The following SLC22A3 variants were observed in gnomAD, a reference collection of about 807,000 sequenced individuals.
SLC22A3 encodes solute carrier family 22 member 3, also known as EMT organic cation transporter 3.
In SLC22A3, 51 loss-of-function variants were observed where a neutral mutation model predicts 59.1. The observed-to-expected ratio is 0.86, with a 90% CI of 0.69 to 1.09. SLC22A3 has a LOEUF of 1.09. Among genes scored for constraint, SLC22A3 ranks in the 50% least tolerant of loss-of-function variants. SLC22A3 has a pLI of 0.00. For synonymous variants in SLC22A3, 325 were observed against 292.0 expected (o/e 1.11, Z -1.15); for missense variants, 711 against 726.3 (o/e 0.98, Z 0.24).
chr6:160,399,991 G>A (rs536358720), intron 2 of SLC22A3, among the ~76,000 whole-genome samples: 1 of 151,044 alleles, frequency 6.6e-6, no homozygotes, highest in East Asian at 2.0e-4. Flanking sequence ...AACATGAACT[G>A]TAATTGATGA....
chr6:160,395,048 A>C (rs1158305162), intron 1 of SLC22A3, among the ~76,000 whole-genome samples: 3 of 152,250 alleles, frequency 2.0e-5, no homozygotes, highest in African/African-American at 7.2e-5. Flanking sequence ...TACAGAAAAC[A>C]CAGAAGGGCA....
intron 5 of SLC22A3, among the ~76,000 whole-genome samples, chr6:160,412,653 C>T (rs576691546): frequency 3.9e-5 from 6 of 152,308 alleles, no homozygotes; most frequent in South Asian, 2.1e-4. Flanking sequence ...CACATTTGAG[C>T]TGTGTGTTCC....
intron 5 of SLC22A3, among the ~76,000 whole-genome samples, chr6:160,414,526 A>G (rs1787391265): frequency 6.6e-6 from 1 of 152,202 alleles, no homozygotes; most frequent in Non-Finnish European, 1.5e-5. Context: ...ACACTGCTAT[A>G]AAGAACTGCC....
rs1787356781 is a variant in SLC22A3 at position 160,413,821 on chromosome 6, T to C, written c.975+2975T>C. ...TGATTCCTTAATATCAAGTCAGTGT[T>C]CCACTTCCCTGATTGTCCTACAATG... On this transcript the variant is annotated intron_variant, in intron 5 of 10. Coordinates refer to ENST00000275300, the MANE Select transcript of SLC22A3 (RefSeq NM_021977.4). Among the ~76,000 whole-genome samples the C allele has an allele frequency of 2.0e-5, 3 of 152,330 alleles. No individual in the cohort carries two copies. The South Asian group carries it at 6.2e-4, about 32-fold the overall frequency.
chr6:160,418,202 G>T (rs934219880), intron 5 of SLC22A3, among the ~76,000 whole-genome samples: 1 of 152,178 alleles, frequency 6.6e-6, no homozygotes, highest in Non-Finnish European at 1.5e-5. Context: ...AGTGTGGCTT[G>T]AACAAAGCAG....
At chr6:160,404,724 G>A (rs1786933787) in intron 2 of SLC22A3, among the ~76,000 whole-genome samples, 1 of 152,024 alleles carries the variant, frequency 6.6e-6, no homozygotes, top group African/African-American at 2.4e-5. Flanking sequence ...ACGACAGTGT[G>A]GTATTTGTGA....
chr6:160,444,354 A>C (rs1350097341), intron 9 of SLC22A3, among the ~76,000 whole-genome samples: 1 of 152,028 alleles, frequency 6.6e-6, no homozygotes, highest in Non-Finnish European at 1.5e-5. Context: ...ACCTATCTCT[A>C]AAATAAATAA....
At chr6:160,358,772 G>GCCT (rs1015608542) in intron 1 of SLC22A3, among the ~76,000 whole-genome samples, 1 of 152,212 alleles carries the variant, frequency 6.6e-6, no homozygotes, top group Admixed American at 6.5e-5. Flanking sequence ...TCCTCCCCTT[G>GCCT]CCTGGTCTAG....
chr6:160,402,479 A>G (rs1235523466), intron 2 of SLC22A3, among the ~76,000 whole-genome samples: 6 of 151,898 alleles, frequency 4.0e-5, no homozygotes, highest in African/African-American at 1.4e-4. Flanking sequence ...GGTCAGATTC[A>G]ACAGGTAAAA....
At chr6:160,398,237 T>G (rs570488078) in intron 2 of SLC22A3, among the ~76,000 whole-genome samples, 155 bp downstream of exon 2, 1 of 152,368 alleles carries the variant, frequency 6.6e-6, no homozygotes, top group East Asian at 1.9e-4. Flanking sequence ...CTTGGTTGGT[T>G]TGACTAATTC....
chr6:160,405,210 A>G (rs535844344), intron 2 of SLC22A3, among the ~76,000 whole-genome samples: 34 of 152,284 alleles, frequency 2.2e-4, no homozygotes, highest in African/African-American at 7.5e-4. Context: ...ACACAACAAT[A>G]AGAAAATAAA....
At chr6:160,438,608 A>T (rs1562501940) in intron 7 of SLC22A3, among the ~76,000 whole-genome samples, 1 of 151,880 alleles carries the variant, frequency 6.6e-6, no homozygotes, top group Non-Finnish European at 1.5e-5. Context: ...ACACACACAC[A>T]CACACACACA....
chr6:160,447,804 AG>A lies in SLC22A3; in HGVS notation c.1597del (p.Glu533LysfsTer39). On this transcript the variant is annotated frameshift_variant, in exon 10 of 11. Transcript: ENST00000275300. LOFTEE classifies it high-confidence loss of function. ...CCTTGCCAGAGACAGTGGATGATGT[AG>A]AAAAACTTGGCAGGTACTGTACAAA... The part of the protein sequence containing the change: ...IALPETVDDV[E>X]KLGSPHSCKC... 6.2e-7 allele frequency: 1 copy of A among 1,614,012 alleles called. No individual in the cohort carries two copies. The highest frequency in any genetic ancestry group is 8.5e-7 in the Non-Finnish European group (1 of 1,179,866).
Position 160,348,659 on chromosome 6 carries a change from C to T in SLC22A3, c.240C>T (p.Gly80=), listed in dbSNP as rs909589627. 5 of 1,507,756 alleles carry T rather than the reference C, an allele frequency of 3.3e-6. No homozygotes were observed. Among genetic ancestry groups the T allele is most frequent in the Non-Finnish European group, 4.4e-6 (5 of 1,136,226 alleles). The allele number at this position is 1,507,756 out of a possible 1,614,324, so 93.4% of individuals were successfully genotyped here. ...EWNRTAPASR[G]PEPPERRGRC... ...ACCGCACGGCGCCCGCCTCCCGCGG[C>T]CCAGAGCCCCCCGAGCGCCGCGGCC... Residue 80 remains glycine, a synonymous_variant, in exon 1 of 11, where the codon GGC becomes GGT. Coordinates refer to ENST00000275300, the MANE Select transcript of SLC22A3 (RefSeq NM_021977.4).
chr6:160,362,842 G>A (rs1785064160), intron 1 of SLC22A3, among the ~76,000 whole-genome samples: 1 of 152,236 alleles, frequency 6.6e-6, no homozygotes, highest in African/African-American at 2.4e-5. Flanking sequence ...TCGAGGTGGT[G>A]CCGGCAGCCG....
In SLC22A3 at chr6:160,368,147, C is replaced by G. The variant is rs1193220750; in HGVS notation, c.429+19299C>G. 4.6e-5 allele frequency among the ~76,000 whole-genome samples: 7 copies of G among 152,264 alleles called. No homozygotes were observed. The East Asian group carries it at 1.4e-3, about 29-fold the overall frequency. On this transcript the variant is annotated intron_variant, in intron 1 of 10. Transcript: ENST00000275300. ...CCAACTTCCAACCTGCCCCTCCCCACTCATACCCTCTCCCCCTACTCTTAG... is the reference window on the plus strand; with the variant it reads ...CCAACTTCCAACCTGCCCCTCCCCAGTCATACCCTCTCCCCCTACTCTTAG...
Position 160,451,124 on chromosome 6 carries a change from C to T in SLC22A3, c.*68C>T, listed in dbSNP as rs1340445505. The T allele has an allele frequency of 7.0e-7, 1 of 1,418,458 alleles. No homozygotes were observed. Among genetic ancestry groups the T allele is most frequent in the African/African-American group, 1.4e-5 (1 of 70,430 alleles). 87.9% of individuals were successfully genotyped at this position (1,418,458 alleles called of 1,614,324 possible). A position where few individuals can be genotyped will look rare whatever the true frequency, so the allele number is the denominator to read the frequency against. ...ATCCTCCTTGCAAAGCTGTGCCTTGCAGAGATGCACGTGTGCATTTCAGCT... is the reference window on the plus strand; with the variant it reads ...ATCCTCCTTGCAAAGCTGTGCCTTGTAGAGATGCACGTGTGCATTTCAGCT... On this transcript the variant is annotated 3_prime_UTR_variant, in exon 11 of 11. Transcript: ENST00000275300.
rs1036050508 is a variant in SLC22A3 at position 160,447,313 on chromosome 6, T to C, written c.1511-406T>C. ...AGACACCAGGACAAGCTTTCCACTG[T>C]AAGGTAACAGGAGGAATCGGAGGGA... On this transcript the variant is annotated intron_variant, in intron 9 of 10. Coordinates refer to ENST00000275300, the MANE Select transcript of SLC22A3 (RefSeq NM_021977.4). Among the ~76,000 whole-genome samples, 4 of 152,014 alleles carry C rather than the reference T, an allele frequency of 2.6e-5. No individual in the cohort carries two copies. The East Asian group carries it at 5.8e-4, about 22-fold the overall frequency.
intron 1 of SLC22A3, among the ~76,000 whole-genome samples, chr6:160,369,119 A>G (rs76879882): frequency 0.02 from 3,057 of 152,266 alleles, 94 homozygotes; most frequent in Middle Eastern, 0.11. Context: ...TGAACAGTAG[A>G]TACTTTCAGG....
Sources: gnomAD v4.1 joint callset for allele counts (sites outside exome capture counted in the v4.1 genomes callset) on GRCh38, gnomAD v4.1.1 for gene constraint, MANE v1.5 for transcripts, NCBI Gene and HGNC (gene_info 2026-07-23, HGNC 2026-07-21) for gene names.